Variants in GPC5 observed in about 807,000 individuals in gnomAD.
The protein encoded by GPC5 is glypican-5.
In GPC5, 47 loss-of-function variants were observed where a neutral mutation model predicts 53.9. That is an observed-to-expected ratio of 0.87 (90% CI 0.69 to 1.11). The LOEUF (loss-of-function observed/expected upper bound fraction) is 1.11. Among genes scored for constraint, GPC5 ranks in the 50% most tolerant of loss-of-function variants. The probability of loss-of-function intolerance (pLI) is 0.00; values close to 1 mark genes in which losing one functional copy is unlikely to be tolerated. For missense variants in GPC5, 748 were observed against 713.1 expected (o/e 1.05, Z -0.56); for synonymous variants, 286 against 263.3 (o/e 1.09, Z -0.84).
At chr13:92,025,480 T>C (rs2040793593) in intron 6 of GPC5, among the ~76,000 whole-genome samples, 1 of 152,142 alleles carries the variant, frequency 6.6e-6, no homozygotes, top group Admixed American at 6.6e-5. Flanking sequence ...CATCAGCTCA[T>C]AAGCAGATAA....
intron 7 of GPC5, among the ~76,000 whole-genome samples, chr13:92,644,426 G>A (rs1436748239): frequency 6.6e-6 from 1 of 152,138 alleles, no homozygotes; most frequent in African/African-American, 2.4e-5. Context: ...TTTTGTACGT[G>A]TCACAATCAC....
chr13:92,257,567 T>TTTTTTTTTTGGG (rs1555323586), intron 7 of GPC5, among the ~76,000 whole-genome samples: 5 of 142,108 alleles, frequency 3.5e-5, no homozygotes, highest in African/African-American at 1.4e-4. Context: ...TTTTTTTTTT[T>TTTTTTTTTTGGG]GGGGACAGAG....
chr13:92,853,194 C>T (rs1878872886), intron 7 of GPC5, among the ~76,000 whole-genome samples: 1 of 152,118 alleles, frequency 6.6e-6, no homozygotes, highest in Non-Finnish European at 1.5e-5. Context: ...AAATGTAGTC[C>T]TCCTTATCTG....
intron 6 of GPC5, among the ~76,000 whole-genome samples, chr13:92,033,222 T>A (rs536734898): frequency 1.3e-5 from 2 of 152,302 alleles, no homozygotes; most frequent in South Asian, 4.1e-4. Flanking sequence ...CTTAGCCAAG[T>A]GCTTTCCAAA....
intron 7 of GPC5, among the ~76,000 whole-genome samples, chr13:92,591,490 T>C (rs1342272757): frequency 1.3e-5 from 2 of 152,316 alleles, no homozygotes; most frequent in South Asian, 2.1e-4. Flanking sequence ...AAATTATATG[T>C]ATTTATCATG....
At chr13:91,443,842 C>T (rs1484055506) in intron 1 of GPC5, among the ~76,000 whole-genome samples, 2 of 152,142 alleles carry the variant, frequency 1.3e-5, no homozygotes, top group Non-Finnish European at 2.9e-5. Flanking sequence ...TCTTACTTAA[C>T]GTCTTCTTTA....
At chr13:92,626,157 C>T (rs1594360094) in intron 7 of GPC5, among the ~76,000 whole-genome samples, 2 of 152,266 alleles carry the variant, frequency 1.3e-5, no homozygotes. Flanking sequence ...TATAGTAATA[C>T]TTCTGATGAA....
chr13:92,237,633 T>C (rs2042580081), intron 7 of GPC5, among the ~76,000 whole-genome samples: 1 of 152,204 alleles, frequency 6.6e-6, no homozygotes, highest in Admixed American at 6.5e-5. Context: ...GTAGGTGTTT[T>C]AAAACATCAT....
intron 7 of GPC5, among the ~76,000 whole-genome samples, chr13:92,220,371 CAA>C (rs2042440111): frequency 6.6e-6 from 1 of 152,148 alleles, no homozygotes; most frequent in African/African-American, 2.4e-5. Context: ...CTGGTTTTTG[CAA>C]AGTTAGCAAC....
chr13:92,244,349 C>T (rs1174762225), intron 7 of GPC5, among the ~76,000 whole-genome samples: 2 of 152,102 alleles, frequency 1.3e-5, no homozygotes, highest in African/African-American at 4.8e-5. Flanking sequence ...ATTTGATCTG[C>T]ATTAGAAAAT....
At chr13:92,576,062 T>A (rs773610956) in intron 7 of GPC5, among the ~76,000 whole-genome samples, 1 of 152,206 alleles carries the variant, frequency 6.6e-6, no homozygotes, top group Non-Finnish European at 1.5e-5. Flanking sequence ...ATGTATATAT[T>A]CAGTTTCTAA....
chr13:91,603,672 T>C (rs2033254279), intron 2 of GPC5, among the ~76,000 whole-genome samples: 1 of 152,254 alleles, frequency 6.6e-6, no homozygotes, highest in Middle Eastern at 3.2e-3. Flanking sequence ...TTTGAAGGGA[T>C]TTGTTCTCTT....
intron 2 of GPC5, among the ~76,000 whole-genome samples, chr13:91,529,478 T>G (rs1886238081): frequency 6.6e-6 from 1 of 152,208 alleles, no homozygotes; most frequent in South Asian, 2.1e-4. Flanking sequence ...GACATTTATC[T>G]CTCTTTGATT....
At chr13:92,827,278 C>A (rs1183934408) in intron 7 of GPC5, among the ~76,000 whole-genome samples, 1 of 152,112 alleles carries the variant, frequency 6.6e-6, no homozygotes, top group Non-Finnish European at 1.5e-5. Context: ...CAAGACATAA[C>A]TTTTGAAAGA....
chr13:92,353,279 A>AAAAAAAAAAG, intron 7 of GPC5, among the ~76,000 whole-genome samples: 2 of 150,650 alleles, frequency 1.3e-5, no homozygotes, highest in African/African-American at 4.9e-5. Context: ...AAAAAAAAAA[A>AAAAAAAAAAG]AAAAAGAAAT....
intron 7 of GPC5, among the ~76,000 whole-genome samples, chr13:92,670,289 C>G (rs922691768): frequency 2.6e-5 from 4 of 152,050 alleles, no homozygotes; most frequent in Admixed American, 6.6e-5. Flanking sequence ...AGACACAGAG[C>G]AGTGATCAAT....
chr13:92,802,076 C>T (rs1594517226), intron 7 of GPC5, among the ~76,000 whole-genome samples: 2 of 151,744 alleles, frequency 1.3e-5, no homozygotes, highest in Non-Finnish European at 1.5e-5. Flanking sequence ...ACCTATTCAC[C>T]CAGAGCAATT....
At chr13:92,169,908 A>C (rs1323883498) in intron 7 of GPC5, among the ~76,000 whole-genome samples, 1 of 152,050 alleles carries the variant, frequency 6.6e-6, no homozygotes, top group Non-Finnish European at 1.5e-5. Context: ...AGCATTTTAG[A>C]AAGTTTCCTT....
At chr13:92,256,357 A>T (rs1379533792) in intron 7 of GPC5, among the ~76,000 whole-genome samples, 1 of 152,032 alleles carries the variant, frequency 6.6e-6, no homozygotes, top group African/African-American at 2.4e-5. Flanking sequence ...CTTTAATATA[A>T]CAACAACAAA....
Sources: gnomAD v4.1 joint callset for allele counts (sites outside exome capture counted in the v4.1 genomes callset) on GRCh38, gnomAD v4.1.1 for gene constraint, MANE v1.5 for transcripts, NCBI Gene and HGNC (gene_info 2026-07-23, HGNC 2026-07-21) for gene names.